DENND1A: variants seen among roughly 807,000 people sequenced by gnomAD.
DENND1A encodes DENN domain-containing protein 1A.
DENND1A carries 51 observed loss-of-function variants against 113.7 expected under a neutral mutation model. That is an observed-to-expected ratio of 0.45 (90% CI 0.36 to 0.57). The LOEUF is 0.57. Ranked by LOEUF, DENND1A falls within the 20% of genes least tolerant of loss-of-function variation. DENND1A has a pLI of 0.00. For missense variants in DENND1A, 1,258 were observed against 1,395.9 expected (o/e 0.90, Z 1.57); for synonymous variants, 565 against 570.8 (o/e 0.99, Z 0.14).
chr9:123,744,798 A>G (rs1271561246), intron 5 of DENND1A, among the ~76,000 whole-genome samples: 1 of 134,392 alleles, frequency 7.4e-6, no homozygotes, highest in Non-Finnish European at 1.5e-5. Context: ...TTTTTGACAC[A>G]GAGTCTTGCT....
At chr9:123,549,851 G>A (rs778248344) in intron 13 of DENND1A, among the ~76,000 whole-genome samples, 2 of 152,148 alleles carry the variant, frequency 1.3e-5, no homozygotes, top group Non-Finnish European at 2.9e-5. Flanking sequence ...GGCATATGTA[G>A]TAAAAATCAG....
At chr9:123,700,548 C>G (rs927026980) in intron 5 of DENND1A, among the ~76,000 whole-genome samples, 3 of 152,180 alleles carry the variant, frequency 2.0e-5, no homozygotes, top group African/African-American at 7.2e-5. Context: ...GCTGGGAACT[C>G]AGGAAGGATT....
chr9:123,783,809 C>A (rs1028855148), intron 3 of DENND1A, among the ~76,000 whole-genome samples: 2 of 152,350 alleles, frequency 1.3e-5, no homozygotes, highest in Middle Eastern at 3.4e-3. Context: ...AGCCCCCAAT[C>A]TGTCCTAGCT....
chr9:123,677,632 C>T (rs2064168128), intron 5 of DENND1A, among the ~76,000 whole-genome samples: 1 of 152,154 alleles, frequency 6.6e-6, no homozygotes, highest in African/African-American at 2.4e-5. Flanking sequence ...CGGGGTTTCA[C>T]CATACTGGCC....
chr9:123,860,832 C>A (rs1206053599), intron 2 of DENND1A, among the ~76,000 whole-genome samples: 1 of 152,220 alleles, frequency 6.6e-6, no homozygotes, highest in East Asian at 1.9e-4. Flanking sequence ...TCATAATGCA[C>A]TGGGCCATAA....
intron 13 of DENND1A, among the ~76,000 whole-genome samples, chr9:123,501,697 T>C (rs964947952): frequency 1.3e-5 from 2 of 152,226 alleles, no homozygotes; most frequent in African/African-American, 4.8e-5. Context: ...CCATTAACAT[T>C]TGAGTCAGTG....
At chr9:123,458,954 T>C in intron 13 of DENND1A, among the ~76,000 whole-genome samples, 1 of 150,910 alleles carries the variant, frequency 6.6e-6, no homozygotes, top group Admixed American at 6.6e-5. Context: ...AGAGCAAAAC[T>C]CCGTCTCAAA....
At chr9:123,430,679 T>G (rs1312901009) in intron 19 of DENND1A, among the ~76,000 whole-genome samples, 1 of 151,704 alleles carries the variant, frequency 6.6e-6, no homozygotes, top group Non-Finnish European at 1.5e-5. Flanking sequence ...CAGTGGTGGG[T>G]GGGGAGGCGA....
intron 4 of DENND1A, chr9:123,759,314 A>C (rs1329758720): frequency 1.3e-5 from 2 of 152,480 alleles, no homozygotes; most frequent in Non-Finnish European, 2.9e-5. Flanking sequence ...GTGAAGAGTC[A>C]TTAAGAAATC....
chr9:123,447,403 C>T (rs762010586), intron 18 of DENND1A, among the ~76,000 whole-genome samples: 7 of 152,122 alleles, frequency 4.6e-5, no homozygotes, highest in Admixed American at 1.3e-4. Context: ...CTGAAAGCTC[C>T]GATTTCAAAT....
At chr9:123,651,740 A>G (rs376000707) in intron 9 of DENND1A, among the ~76,000 whole-genome samples, 1 of 152,390 alleles carries the variant, frequency 6.6e-6, no homozygotes, top group East Asian at 1.9e-4. Flanking sequence ...ACATTAAAAA[A>G]TGACAATTGA....
intron 11 of DENND1A, among the ~76,000 whole-genome samples, chr9:123,605,265 T>C (rs1173099949): frequency 6.6e-6 from 1 of 151,662 alleles, no homozygotes; most frequent in Non-Finnish European, 1.5e-5. Context: ...CTCATGTCAC[T>C]CTGAGGTCTG....
chr9:123,909,470 G>A (rs1853565712), intron 1 of DENND1A, among the ~76,000 whole-genome samples: 1 of 151,356 alleles, frequency 6.6e-6, no homozygotes, highest in African/African-American at 2.4e-5. Flanking sequence ...TGCAGAAAAG[G>A]CATTTGGTAA....
chr9:123,380,330 T>G lies in DENND1A; in HGVS notation c.*1102A>C, dbSNP rs1175370520. 1 of 152,588 alleles carries G rather than the reference T, an allele frequency of 6.6e-6. No homozygotes were observed. The highest frequency in any genetic ancestry group is 1.5e-5 in the Non-Finnish European group (1 of 68,042). The allele number at this position is 152,588 out of a possible 1,614,324, so 9.5% of individuals were successfully genotyped here. A position where few individuals can be genotyped will look rare whatever the true frequency, so the allele number is the denominator to read the frequency against. Reference sequence around the variant, plus strand: ...AGATAATAAACATTCAATCTAACTTTGGTGACGTTGGCCTCAGGAATTTCT... The same window carrying G: ...AGATAATAAACATTCAATCTAACTTGGGTGACGTTGGCCTCAGGAATTTCT... On this transcript the variant is annotated 3_prime_UTR_variant, in exon 24 of 24. Transcript: ENST00000394215.
At chr9:123,806,269 T>C (rs1279691474) in intron 2 of DENND1A, among the ~76,000 whole-genome samples, 1 of 147,718 alleles carries the variant, frequency 6.8e-6, no homozygotes, top group Non-Finnish European at 1.5e-5. Context: ...GTTTGTTGTT[T>C]TATTGAGACA....
intron 5 of DENND1A, among the ~76,000 whole-genome samples, chr9:123,707,716 G>T (rs1172392263): frequency 6.6e-6 from 1 of 152,146 alleles, no homozygotes; most frequent in African/African-American, 2.4e-5. Context: ...GACTTCAGTG[G>T]AGAACTGACG....
intron 13 of DENND1A, among the ~76,000 whole-genome samples, chr9:123,517,856 G>A (rs1418581469): frequency 2.0e-5 from 3 of 152,148 alleles, no homozygotes; most frequent in Non-Finnish European, 4.4e-5. Context: ...AAAAACACTT[G>A]TAAAGAGAAG....
At chr9:123,572,559 C>T (rs182971654) in intron 12 of DENND1A, among the ~76,000 whole-genome samples, 1 of 152,242 alleles carries the variant, frequency 6.6e-6, no homozygotes, top group Admixed American at 6.5e-5. Context: ...TTAATTTGTA[C>T]CCTCATGACT....
intron 13 of DENND1A, among the ~76,000 whole-genome samples, chr9:123,467,215 G>C (rs2049031514): frequency 6.6e-6 from 1 of 152,216 alleles, no homozygotes. Context: ...GAGTCCTGCT[G>C]AATGTCCCCA....
Sources: allele counts gnomAD v4.1 joint callset (sites outside exome capture counted in the v4.1 genomes callset), GRCh38; gene constraint gnomAD v4.1.1; transcripts MANE v1.5; gene names NCBI Gene and HGNC (gene_info 2026-07-23, HGNC 2026-07-21).